The following GID4 variants were observed in gnomAD, a reference collection of about 807,000 sequenced individuals.
GID4 encodes GID complex subunit 4 homolog.
In GID4, 7 loss-of-function variants were observed where a neutral mutation model predicts 32.4. The observed-to-expected ratio is 0.22, with a 90% CI of 0.12 to 0.41. The LOEUF is 0.41. Ranked by LOEUF, GID4 falls within the 10% of genes least tolerant of loss-of-function variation. The pLI is 1.00. For missense variants in GID4, 309 were observed against 400.0 expected (o/e 0.77, Z 1.94); for synonymous variants, 166 against 170.0 (o/e 0.98, Z 0.18).
chr17:18,062,662 T>C (rs946959809), intron 5 of GID4, among the ~76,000 whole-genome samples: 1 of 152,232 alleles, frequency 6.6e-6, no homozygotes, highest in Admixed American at 6.5e-5. Flanking sequence ...CTACCCTAGA[T>C]TCCTTGTTCA....
intron 2 of GID4, among the ~76,000 whole-genome samples, chr17:18,049,988 C>T (rs1221648688): frequency 6.6e-6 from 1 of 152,182 alleles, no homozygotes; most frequent in Non-Finnish European, 1.5e-5. Context: ...ATTTGGTTTT[C>T]TGTTCCTGCA....
chr17:18,057,358 G>C, intron 3 of GID4: 1 of 243,848 alleles, frequency 4.1e-6, no homozygotes, highest in Non-Finnish European at 8.1e-6. Flanking sequence ...CTTGAACCTG[G>C]GAGGCGGAGA....
intron 1 of GID4, among the ~76,000 whole-genome samples, chr17:18,044,156 TTCC>T (rs1402473054): frequency 6.6e-6 from 1 of 152,204 alleles, no homozygotes. Flanking sequence ...AAGCCATTTC[TTCC>T]TCATGCGCCT....
chr17:18,057,157 TGTG>T, intron 3 of GID4: 1 of 1,222,298 alleles, frequency 8.2e-7, no homozygotes. Flanking sequence ...TGACACCAGG[TGTG>T]GTGGCTCATG....
In GID4 at chr17:18,065,463, C is replaced by A; in HGVS notation, c.*220C>A. 1.8e-6 allele frequency: 1 copy of A among 570,822 alleles called. No individual in the cohort carries two copies. Among genetic ancestry groups the A allele is most frequent in the Non-Finnish European group, 3.1e-6 (1 of 317,784 alleles). The allele number at this position is 570,822 out of a possible 1,614,324, so 35.4% of individuals were successfully genotyped here. A position where few individuals can be genotyped will look rare whatever the true frequency, so the allele number is the denominator to read the frequency against. On this transcript the variant is annotated 3_prime_UTR_variant, in exon 6 of 6. Coordinates refer to ENST00000268719, the MANE Select transcript of GID4 (RefSeq NM_024052.5). ...TCTTCGTTCTTCCTCCCCTCAGTGGCAGTTTGGTCTTCACCTGTTTTTAAG... is the reference window on the plus strand; with the variant it reads ...TCTTCGTTCTTCCTCCCCTCAGTGGAAGTTTGGTCTTCACCTGTTTTTAAG...
At position 18,054,124 on chromosome 17, in the gene GID4, T is replaced by C. The variant is rs1248363388; in HGVS notation, c.499-3T>C. The C allele has an allele frequency of 3.2e-6, 5 of 1,543,754 alleles. No individual in the cohort carries two copies. The highest frequency in any genetic ancestry group is 4.5e-6 in the Non-Finnish European group (5 of 1,118,126). ...TATTTTGATATTTGGGTTTTTACCA[T>C]AGGAGTATCCAACCCTTACAACCTT... On this transcript the variant is annotated splice_region_variant and splice_polypyrimidine_tract_variant and intron_variant, in intron 2 of 5. Coordinates refer to ENST00000268719, the MANE Select transcript of GID4 (RefSeq NM_024052.5).
chr17:18,044,201 C>T (rs1057380234), intron 1 of GID4, among the ~76,000 whole-genome samples: 1 of 152,170 alleles, frequency 6.6e-6, no homozygotes, highest in Admixed American at 6.5e-5. Context: ...CACAGATGCA[C>T]TCAGGAGACT....
intron 3 of GID4, among the ~76,000 whole-genome samples, chr17:18,058,006 C>G (rs1277718426): frequency 6.6e-6 from 1 of 152,048 alleles, no homozygotes; most frequent in Admixed American, 6.6e-5. Flanking sequence ...CTAATTTTTT[C>G]ATATTTTTAG....
rs11651876 is a variant in GID4, at chr17:18,042,793, G to A, written c.439-2354G>A. ...AGGGTTCCAGTTTCTCCACATCCCC[G>A]CCAACACTCACTGTTCATCTTTTTT... On this transcript the variant is annotated intron_variant, in intron 1 of 5. Transcript: ENST00000268719. 3.9e-3 allele frequency among the ~76,000 whole-genome samples: 588 copies of A among 152,182 alleles called. 3 individuals carry two copies. Among genetic ancestry groups the A allele is most frequent in the Non-Finnish European group, 6.9e-3 (468 of 68,002 alleles).
In GID4 at chr17:18,065,551, C is replaced by T. The variant is rs2045054020; in HGVS notation, c.*308C>T. ...TTCTACATCACTGAAATGCCCATTC[C>T]TTCCTCCGTCCCACCTCCAGCCGAA... On this transcript the variant is annotated 3_prime_UTR_variant, in exon 6 of 6. Coordinates refer to ENST00000268719, the MANE Select transcript of GID4 (RefSeq NM_024052.5). 1 of 358,714 alleles carries T rather than the reference C, an allele frequency of 2.8e-6. No homozygotes were observed. Among genetic ancestry groups the T allele is most frequent in the Admixed American group, 4.2e-5 (1 of 23,810 alleles). 22.2% of individuals were successfully genotyped at this position (358,714 alleles called of 1,614,324 possible). A position where few individuals can be genotyped will look rare whatever the true frequency, so the allele number is the denominator to read the frequency against.
Position 18,039,668 on chromosome 17 carries a change from G to A in GID4, c.204G>A (p.Ala68=). The change falls in exon 1 of 6, where the codon GCG becomes GCA. Residue 68 remains alanine (A), a synonymous_variant. Coordinates refer to ENST00000268719, the MANE Select transcript of GID4 (RefSeq NM_024052.5). The surrounding 1 kb of genome is among the most constrained non-coding windows in gnomAD (Gnocchi z 5.3). ...TCCTCGGCTCCCGCGCGGCGGCGGC[G>A]GTTCCTCTCCCACTCCCCCCAGCCC... is the stretch of plus-strand genomic sequence containing the variant. ...ATLLGSRAAA[A]VPLPLPPALA... 1.5e-6 allele frequency: 2 copies of A among 1,370,554 alleles called. No homozygotes were observed. The highest frequency in any genetic ancestry group is 1.7e-5 in the South Asian group (1 of 57,208). The allele number at this position is 1,370,554 out of a possible 1,614,324, so 84.9% of individuals were successfully genotyped here.
Position 18,059,090 on chromosome 17 carries a change from C to T in GID4, c.708+121C>T, listed in dbSNP as rs961320088. The T allele has an allele frequency of 1.6e-4, 101 of 629,246 alleles. No homozygotes were observed. Among genetic ancestry groups the T allele is most frequent in the Non-Finnish European group, 2.3e-4 (80 of 350,070 alleles). 39.0% of individuals were successfully genotyped at this position (629,246 alleles called of 1,614,324 possible). On this transcript the variant is annotated intron_variant, in intron 4 of 5. Coordinates refer to ENST00000268719, the MANE Select transcript of GID4 (RefSeq NM_024052.5). ...TGCTCGTCACAGCTGGTTGTCATGG[C>T]AAAGTCTTCATGGCAGGGTCTTTGC...
At chr17:18,064,309 A>C (rs2045041664) in intron 5 of GID4, among the ~76,000 whole-genome samples, 1 of 152,184 alleles carries the variant, frequency 6.6e-6, no homozygotes, top group Non-Finnish European at 1.5e-5. Context: ...CAGTTTCTCC[A>C]CATCCTCCCT....
chr17:18,042,698 A>G (rs2044814055), intron 1 of GID4, among the ~76,000 whole-genome samples: 1 of 152,196 alleles, frequency 6.6e-6, no homozygotes, highest in Non-Finnish European at 1.5e-5. Flanking sequence ...GCTGGGTCAC[A>G]TGGTAACTGG....
intron 3 of GID4, chr17:18,056,887 C>T (rs759204953): frequency 2.7e-5 from 42 of 1,550,462 alleles, no homozygotes; most frequent in African/African-American, 1.9e-4. Context: ...CTCAGCATTT[C>T]CCCTAACTTT....
chr17:18,057,190 G>A (rs2044977371), intron 3 of GID4: 1 of 852,404 alleles, frequency 1.2e-6, no homozygotes, highest in Non-Finnish European at 1.7e-6. Context: ...CCAGCACTTT[G>A]GGAGGCCGAG....
chr17:18,043,016 C>T (rs555389773), intron 1 of GID4, among the ~76,000 whole-genome samples: 10 of 152,278 alleles, frequency 6.6e-5, no homozygotes, highest in Non-Finnish European at 1.5e-4. Context: ...CTCTCCACCC[C>T]GCACTTACTG....
chr17:18,061,229 G>T lies in GID4; in HGVS notation c.709-616G>T, dbSNP rs147044890. Among the ~76,000 whole-genome samples, 85 of 152,304 alleles carry T rather than the reference G, an allele frequency of 5.6e-4. No individual in the cohort carries two copies. Among genetic ancestry groups the T allele is most frequent in the Middle Eastern group, 6.8e-3 (2 of 294 alleles). ...ACCTCATCTCTCTGGGAAAGTAGGTGCCAGGACCTGGGTTTCCAGCTTTCA... is the reference window on the plus strand; with the variant it reads ...ACCTCATCTCTCTGGGAAAGTAGGTTCCAGGACCTGGGTTTCCAGCTTTCA... On this transcript the variant is annotated intron_variant, in intron 4 of 5. Transcript: ENST00000268719. This position sits in a 1 kb window ranked among gnomAD's most constrained non-coding sequence, Gnocchi z 4.4.
At chr17:18,063,532 C>T (rs941268025) in intron 5 of GID4, among the ~76,000 whole-genome samples, 2 of 152,130 alleles carry the variant, frequency 1.3e-5, no homozygotes, top group African/African-American at 2.4e-5. Flanking sequence ...TCCCAAACTC[C>T]TCATCCCCTC....
Sources: allele counts gnomAD v4.1 joint callset (sites outside exome capture counted in the v4.1 genomes callset), GRCh38; gene constraint gnomAD v4.1.1; non-coding constraint Gnocchi (gnomAD v3.1); transcripts MANE v1.5; gene names NCBI Gene and HGNC (gene_info 2026-07-23, HGNC 2026-07-21).